FGD1: variants seen among roughly 807,000 people sequenced by gnomAD.
FGD1 encodes the protein FYVE, RhoGEF and PH domain containing 1.
FGD1 carries 12 observed loss-of-function variants against 65.0 expected under a neutral mutation model. The ratio of observed to expected loss-of-function variants is 0.18; its 90% CI spans 0.12 to 0.30. FGD1 has a LOEUF of 0.30. FGD1 is among the 10% of genes least tolerant of loss of function. FGD1 has a pLI of 1.00. For synonymous variants in FGD1, 333 were observed against 343.9 expected, an observed-to-expected ratio of 0.97 and a Z score of 0.35; for missense variants, 542 against 837.6, an observed-to-expected ratio of 0.65 and a Z score of 4.36.
At chrX:54,447,077 A>G (rs2147420713) in intron 17 of FGD1, among the ~76,000 whole-genome samples, 1 of 110,414 alleles carries the variant, frequency 9.1e-6, no homozygotes, top group Admixed American at 9.7e-5. Context: ...CCCCATCTCT[A>G]CTCCTTCCAG....
At position 54,495,260 on chromosome X, in the gene FGD1, G is replaced by T; in HGVS notation, c.173C>A (p.Pro58His). 2 of 1,192,728 alleles carry T rather than the reference G, an allele frequency of 1.7e-6. No individual in the cohort carries two copies. Among genetic ancestry groups the T allele is most frequent in the South Asian group, 1.8e-5 (1 of 54,458 alleles). ...SGSALGGPLD[P>H]QFVGPSDTSL... is the part of the protein sequence containing the mutation. ...GGTGTCCGAGGGTCCGACAAACTGG[G>T]GATCCAGTGGGCCGCCAAGAGCCGA... Residue 58 changes from proline to histidine, a missense_variant, in exon 1 of 18, where the codon CCC becomes CAC. Physicochemically the swap from Pro to His is moderately conservative, Grantham distance 77. Around this residue, in one of 6 missense-constraint regions of FGD1, gnomAD observed 297 missense variants for 326.8 expected, o/e 0.91. Coordinates refer to ENST00000375135, the MANE Select transcript of FGD1 (RefSeq NM_004463.3).
chrX:54,494,292 G>A (rs186540354), intron 1 of FGD1, among the ~76,000 whole-genome samples: 37 of 109,966 alleles, frequency 3.4e-4, no homozygotes, highest in African/African-American at 9.6e-4. Flanking sequence ...TGACTCCCAA[G>A]GCCCACCTCT....
intron 8 of FGD1, among the ~76,000 whole-genome samples, chrX:54,459,333 G>A (rs1296107339): frequency 9.0e-6 from 1 of 111,521 alleles, no homozygotes; most frequent in African/African-American, 3.3e-5. Context: ...ATTTCACTTA[G>A]GGGTTCAGGC....
Position 54,486,910 on chromosome X carries a change from G to A in FGD1, c.307+8216C>T, listed in dbSNP as rs935971435. Among the ~76,000 whole-genome samples the A allele has an allele frequency of 8.4e-5, 9 of 106,548 alleles. No individual in the cohort carries two copies. The East Asian group carries it at 9.7e-4, about 11-fold the overall frequency. The allele number at this position is 106,548 out of a possible 115,157, so 92.5% of individuals were successfully genotyped here. On this transcript the variant is annotated intron_variant, in intron 1 of 17. Coordinates refer to ENST00000375135, the MANE Select transcript of FGD1 (RefSeq NM_004463.3). The stretch of plus-strand genomic sequence containing the variant: ...ACTGAGGCAGGAGAATTGCTTGAAC[G>A]GGGACCTGGGAGGTGGAGGTTGCAG...
At chrX:54,452,758 A>G (rs938394159) in intron 12 of FGD1, among the ~76,000 whole-genome samples, 3 of 110,867 alleles carry the variant, frequency 2.7e-5, no homozygotes, top group African/African-American at 9.9e-5. Context: ...AAATAAATAA[A>G]TAAAAATTAA....
At chrX:54,463,383 C>T (rs1922682267) in intron 8 of FGD1, among the ~76,000 whole-genome samples, 1 of 111,627 alleles carries the variant, frequency 9.0e-6, no homozygotes, top group Non-Finnish European at 1.9e-5. Context: ...CACCCTAGTC[C>T]TCTCAGTGCT....
Position 54,455,796 on chromosome X carries a change from A to G in FGD1, c.1843-12T>C, listed in dbSNP as rs1279499004. The G allele has an allele frequency of 1.7e-6, 2 of 1,158,739 alleles. No homozygotes were observed. Among genetic ancestry groups the G allele is most frequent in the African/African-American group, 1.8e-5 (1 of 56,699 alleles). ...AGGCGGTCGTTGAACTAGGAAGGAAAAAGTTTGGGATGTATGTGCAGAGGG... is the reference window on the plus strand; with the variant it reads ...AGGCGGTCGTTGAACTAGGAAGGAAGAAGTTTGGGATGTATGTGCAGAGGG... On this transcript the variant is annotated splice_polypyrimidine_tract_variant and intron_variant, in intron 10 of 17. Coordinates refer to ENST00000375135, the MANE Select transcript of FGD1 (RefSeq NM_004463.3).
chrX:54,482,775 G>A (rs1317763676), intron 1 of FGD1, among the ~76,000 whole-genome samples: 1 of 111,143 alleles, frequency 9.0e-6, no homozygotes, highest in Non-Finnish European at 1.9e-5. Flanking sequence ...TGGACATAGA[G>A]GGAGATGGAC....
Position 54,465,780 on chromosome X carries a change from C to T in FGD1, c.1413G>A (p.Val471=). The T allele has an allele frequency of 1.7e-6, 2 of 1,211,482 alleles. No individual in the cohort carries two copies. The highest frequency in any genetic ancestry group is 2.2e-6 in the Non-Finnish European group (2 of 895,384). Reference sequence around the variant, plus strand: ...GCTCCACGGCCCGGTCAAAGTTCTTCACATACTCACCATACATCTTGAGGA... The same window carrying T: ...GCTCCACGGCCCGGTCAAAGTTCTTTACATACTCACCATACATCTTGAGGA... ...APFLKMYGEY[V]KNFDRAVELV... is the part of the protein sequence containing the mutation. The change falls in exon 7 of 18, where the codon GTG becomes GTA. Residue 471 remains valine, a synonymous_variant. Transcript: ENST00000375135.
Position 54,446,077 on chromosome X carries a change from G to C in FGD1, c.*32C>G. On this transcript the variant is annotated 3_prime_UTR_variant, in exon 18 of 18. Transcript: ENST00000375135. Reference sequence around the variant, plus strand: ...AATCAGACATGGGCAACTAGAGTGTGGGGTGGGGGCTCCCAGTTTGTCCCA... The same window carrying C: ...AATCAGACATGGGCAACTAGAGTGTCGGGTGGGGGCTCCCAGTTTGTCCCA... 1.8e-6 allele frequency: 2 copies of C among 1,134,150 alleles called. No homozygotes were observed. The highest frequency in any genetic ancestry group is 1.8e-5 in the African/African-American group (1 of 55,864). 93.5% of individuals were successfully genotyped at this position (1,134,150 alleles called of 1,213,427 possible).
At chrX:54,454,459 G>A (rs1013885094) in intron 12 of FGD1, among the ~76,000 whole-genome samples, 4 of 110,785 alleles carry the variant, frequency 3.6e-5, no homozygotes, top group African/African-American at 1.3e-4. Flanking sequence ...AAACCAGCCT[G>A]GCCAACATAG....
At position 54,456,758 on chromosome X, in the gene FGD1, A is replaced by T. The variant is rs1261739030; in HGVS notation, c.1637-191T>A. Among the ~76,000 whole-genome samples the T allele has an allele frequency of 2.8e-4, 30 of 108,959 alleles. No individual in the cohort carries two copies. In the Admixed American group the frequency reaches 2.9e-3, roughly 11 times the overall value. The allele number at this position is 108,959 out of a possible 115,157, so 94.6% of individuals were successfully genotyped here. On this transcript the variant is annotated intron_variant, in intron 8 of 17. Coordinates refer to ENST00000375135, the MANE Select transcript of FGD1 (RefSeq NM_004463.3). ...AGCGATTCTCCTGCCTCAGCCTCCC[A>T]AGTAGCTGGGACTACAGGCACGTGC...
intron 1 of FGD1, among the ~76,000 whole-genome samples, chrX:54,494,199 C>T (rs1438382409): frequency 9.0e-6 from 1 of 111,553 alleles, no homozygotes; most frequent in Non-Finnish European, 1.9e-5. Context: ...AGCTCTCCAG[C>T]TCCTGCTACA....
chrX:54,488,705 C>G (rs1261914693), intron 1 of FGD1, among the ~76,000 whole-genome samples: 1 of 111,693 alleles, frequency 9.0e-6, no homozygotes, highest in Non-Finnish European at 1.9e-5. Flanking sequence ...AACAGATACA[C>G]AGACCAATGG....
Position 54,470,714 on chromosome X carries a change from TGGGG to T in FGD1, c.524_527del (p.Pro175HisfsTer39). 5.3e-6 allele frequency: 1 copy of T among 187,770 alleles called. No homozygotes were observed. Among genetic ancestry groups the T allele is most frequent in the Non-Finnish European group, 8.1e-6 (1 of 123,072 alleles). 15.5% of individuals were successfully genotyped at this position (187,770 alleles called of 1,213,427 possible). A position where few individuals can be genotyped will look rare whatever the true frequency, so the allele number is the denominator to read the frequency against. On this transcript the variant is annotated frameshift_variant, in exon 3 of 18. Coordinates refer to ENST00000375135, the MANE Select transcript of FGD1 (RefSeq NM_004463.3). LOFTEE classifies it high-confidence loss of function. Reference sequence around the variant, plus strand: ...ATGGTGGAGGGGGGATGGGCTCCAGTGGGGGGGGCATCCGGGGCATCTGCAGGTA... The same window carrying T: ...ATGGTGGAGGGGGGATGGGCTCCAGTGGGGCATCCGGGGCATCTGCAGGTA...
chrX:54,454,505 A>G (rs1457989919), intron 12 of FGD1, among the ~76,000 whole-genome samples: 1 of 110,084 alleles, frequency 9.1e-6, no homozygotes, highest in Non-Finnish European at 1.9e-5. Context: ...CAAAAATTAG[A>G]TGGGCGTGGT....
intron 8 of FGD1, among the ~76,000 whole-genome samples, chrX:54,464,667 G>A (rs1191861087): frequency 9.0e-6 from 1 of 110,937 alleles, no homozygotes; most frequent in Non-Finnish European, 1.9e-5. Context: ...TCTGGGGTGT[G>A]GGGTTCAGGT....
chrX:54,450,851 C>T (rs1053199511), intron 12 of FGD1, among the ~76,000 whole-genome samples: 1 of 111,040 alleles, frequency 9.0e-6, no homozygotes. Context: ...GAATTGGAGA[C>T]CAGCCCGGCC....
intron 1 of FGD1, among the ~76,000 whole-genome samples, chrX:54,492,663 C>T (rs899904703): frequency 8.9e-6 from 1 of 112,195 alleles, no homozygotes; most frequent in South Asian, 3.7e-4. Flanking sequence ...TCCTCCGCCT[C>T]TTCTTCAGAA....
Sources: allele counts gnomAD v4.1 joint callset (sites outside exome capture counted in the v4.1 genomes callset), GRCh38; gene constraint gnomAD v4.1.1; regional missense constraint gnomAD v4.1.1; transcripts MANE v1.5; gene names NCBI Gene and HGNC (gene_info 2026-07-23, HGNC 2026-07-21).